The following WRNIP1 variants were observed in gnomAD, a reference collection of about 807,000 sequenced individuals.
WRNIP1 encodes WRN helicase interacting protein 1.
Under a neutral mutation model 56.1 loss-of-function variants are expected in WRNIP1, and 41 were observed. The ratio of observed to expected loss-of-function variants is 0.73; its 90% CI spans 0.57 to 0.95. The LOEUF is 0.95. Among genes scored for constraint, WRNIP1 ranks in the 40% least tolerant of loss-of-function variants. WRNIP1 has a pLI of 0.00. For missense variants in WRNIP1, 1,170 were observed against 939.4 expected (o/e 1.25, Z -3.21); for synonymous variants, 547 against 398.1 (o/e 1.37, Z -4.45).
chr6:2,784,085 T>C (rs1353002115), intron 5 of WRNIP1, among the ~76,000 whole-genome samples: 2 of 152,224 alleles, frequency 1.3e-5, no homozygotes, highest in African/African-American at 4.8e-5. Flanking sequence ...CATGTTTTTC[T>C]AGATGCAGAG....
intron 2 of WRNIP1, among the ~76,000 whole-genome samples, chr6:2,769,300 T>A (rs189241784): frequency 6.6e-6 from 1 of 152,294 alleles, no homozygotes; most frequent in Non-Finnish European, 1.5e-5. Context: ...AACTCCAGGC[T>A]CTGTCTTCAA....
rs777146637 is a variant in WRNIP1 at position 2,766,372 on chromosome 6, C to T, written c.750C>T (p.Thr250=). ...FGQSKAVGQD[T]LLRSLLETNE... ...AGAGCAAGGCCGTGGGCCAGGATAC[C>T]CTGCTGCGCTCGCTCCTGGAGACCA... The change falls in exon 1 of 7, where the codon ACC becomes ACT. Residue 250 remains threonine (T), a synonymous_variant. Transcript: ENST00000380773. 4.5e-5 allele frequency: 73 copies of T among 1,609,230 alleles called. No homozygotes were observed. The highest frequency in any genetic ancestry group is 3.1e-4 in the East Asian group (14 of 44,700).
chr6:2,766,192 C>G lies in WRNIP1; in HGVS notation c.570C>G (p.Asp190Glu). 1 of 1,397,952 alleles carries G rather than the reference C, an allele frequency of 7.2e-7. No homozygotes were observed. Among genetic ancestry groups the G allele is most frequent in the African/African-American group, 1.5e-5 (1 of 66,532 alleles). The allele number at this position is 1,397,952 out of a possible 1,614,324, so 86.6% of individuals were successfully genotyped here. A position where few individuals can be genotyped will look rare whatever the true frequency, so the allele number is the denominator to read the frequency against. The change falls in exon 1 of 7, where the codon GAC becomes GAG. Residue 190 changes from aspartate (D) to glutamate (E), a missense_variant. Coordinates refer to ENST00000380773, the MANE Select transcript of WRNIP1 (RefSeq NM_020135.3). Reference sequence around the variant, plus strand: ...GCGAGGACGACCCGGGGCACTGGGACGCGGACGCTGCCGAAGCCGCCACCG... The same window carrying G: ...GCGAGGACGACCCGGGGCACTGGGAGGCGGACGCTGCCGAAGCCGCCACCG... Reference protein sequence around the residue: ...ADGEDDPGHWDADAAEAATAF... With the variant: ...ADGEDDPGHWEADAAEAATAF...
chr6:2,766,840 C>T (rs978780747), intron 1 of WRNIP1, among the ~76,000 whole-genome samples: 4 of 151,426 alleles, frequency 2.6e-5, no homozygotes, highest in Non-Finnish European at 4.4e-5. Context: ...TTGTATATTC[C>T]GTTTGTACAT....
At position 2,785,018 on chromosome 6, in the gene WRNIP1, C is replaced by A. The variant is rs1765675992; in HGVS notation, c.1734C>A (p.Ala578=). ...IGMPECEVLL[A]QCVVYFARAP... is the part of the protein sequence containing the mutation. ...TGTGTCATTGGTAGGTGCTTCTGGC[C>A]CAGTGTGTGGTCTACTTTGCCAGAG... The change falls in exon 7 of 7, where the codon GCC becomes GCA. Residue 578 remains alanine, a synonymous_variant. Transcript: ENST00000380773. The A allele has an allele frequency of 6.2e-7, 1 of 1,613,910 alleles. No homozygotes were observed. The highest frequency in any genetic ancestry group is 2.2e-5 in the East Asian group (1 of 44,888).
chr6:2,782,500 C>T (rs564475405), intron 4 of WRNIP1, among the ~76,000 whole-genome samples: 28 of 152,336 alleles, frequency 1.8e-4, no homozygotes, highest in South Asian at 1.2e-3. Flanking sequence ...TGGCGCCAGT[C>T]GTATTGTGGA....
chr6:2,774,155 AT>A (rs1230196358), intron 3 of WRNIP1: 1 of 985,088 alleles, frequency 1.0e-6, no homozygotes, highest in African/African-American at 1.7e-5. Context: ...TTATTTAAAA[AT>A]TTTTTAAGTA....
intron 6 of WRNIP1, 109 bp from the exon 7 acceptor site, chr6:2,784,897 AG>A: frequency 7.3e-7 from 1 of 1,372,160 alleles, no homozygotes; most frequent in South Asian, 1.4e-5. Flanking sequence ...GGATAATAAA[AG>A]CATGTGGGGA....
intron 4 of WRNIP1, among the ~76,000 whole-genome samples, chr6:2,782,696 A>AT (rs1232890806): frequency 6.6e-6 from 1 of 152,168 alleles, no homozygotes; most frequent in Non-Finnish European, 1.5e-5. Flanking sequence ...TTTAGCTGTC[A>AT]TTTTTTTGCC....
rs759945588 is a variant in WRNIP1, at chr6:2,768,892, C to A, written c.1014+10C>A. 1.3e-6 allele frequency: 2 copies of A among 1,599,310 alleles called. No homozygotes were observed. The highest frequency in any genetic ancestry group is 2.1e-4 in the Middle Eastern group (1 of 4,674). ...CAATAAATCTCAGCAGGTATATTAA[C>A]TTCCTTCTACCTTTTGGTCGTTGTG... On this transcript the variant is annotated intron_variant, in intron 2 of 6. Transcript: ENST00000380773.
chr6:2,773,245 T>G (rs1765351828), intron 3 of WRNIP1: 1 of 985,362 alleles, frequency 1.0e-6, no homozygotes, highest in Middle Eastern at 5.2e-4. Flanking sequence ...CTGCATATGC[T>G]AGGCATTGGC....
rs755353163 is a variant in WRNIP1, at chr6:2,765,748, C to T, written c.126C>T (p.Leu42=). 3.5e-5 allele frequency: 52 copies of T among 1,505,840 alleles called. No individual in the cohort carries two copies. Among genetic ancestry groups the T allele is most frequent in the Non-Finnish European group, 4.1e-5 (47 of 1,134,028 alleles). 93.3% of individuals were successfully genotyped at this position (1,505,840 alleles called of 1,614,324 possible). A position where few individuals can be genotyped will look rare whatever the true frequency, so the allele number is the denominator to read the frequency against. The part of the protein sequence containing the change: ...INSHLDRCLL[L]HPAGHAEPAA... ...CGCACCTGGACCGCTGTCTGCTGCTCCACCCGGCGGGGCACGCGGAGCCCG... is the reference window on the plus strand; with the variant it reads ...CGCACCTGGACCGCTGTCTGCTGCTTCACCCGGCGGGGCACGCGGAGCCCG... Residue 42 remains leucine (L), a synonymous_variant, in exon 1 of 7, where the codon CTC becomes CTT. Transcript: ENST00000380773.
intron 3 of WRNIP1, among the ~76,000 whole-genome samples, chr6:2,771,672 T>A (rs2113463369): frequency 6.6e-6 from 1 of 152,350 alleles, no homozygotes; most frequent in South Asian, 2.1e-4. Flanking sequence ...TGGGTGCTCA[T>A]CTGGTAAGTA....
rs1417979885 is a variant in WRNIP1 at position 2,772,902 on chromosome 6, G to GA, written c.1256+2542dup. 6 of 899,928 alleles carry GA rather than the reference G, an allele frequency of 6.7e-6. No individual in the cohort carries two copies. The Admixed American group carries it at 3.7e-4, about 56-fold the overall frequency. The allele number at this position is 899,928 out of a possible 1,614,324, so 55.7% of individuals were successfully genotyped here. A position where few individuals can be genotyped will look rare whatever the true frequency, so the allele number is the denominator to read the frequency against. On this transcript the variant is annotated intron_variant, in intron 3 of 6. Coordinates refer to ENST00000380773, the MANE Select transcript of WRNIP1 (RefSeq NM_020135.3). ...TGACACTAATCTAGTTGAAAGAAAA[G>GA]ACTTCCAACCCCATATACTTACTTT...
chr6:2,783,290 G>T, intron 4 of WRNIP1, 116 bp from the exon 5 acceptor site: 3 of 1,192,932 alleles, frequency 2.5e-6, no homozygotes, highest in Non-Finnish European at 3.4e-6. Flanking sequence ...ACCTCTCCTC[G>T]GCTTTCTCAG....
intron 5 of WRNIP1, among the ~76,000 whole-genome samples, chr6:2,783,963 G>T (rs1455081027): frequency 6.6e-6 from 1 of 152,170 alleles, no homozygotes; most frequent in African/African-American, 2.4e-5. Flanking sequence ...TGAAGAAAAA[G>T]ATCAGGAAAG....
Position 2,785,292 on chromosome 6 carries a change from G to A in WRNIP1, c.*10G>A. 6.2e-7 allele frequency: 1 copy of A among 1,609,810 alleles called. No individual in the cohort carries two copies. The highest frequency in any genetic ancestry group is 1.1e-5 in the South Asian group (1 of 90,994). On this transcript the variant is annotated 3_prime_UTR_variant, in exon 7 of 7. Coordinates refer to ENST00000380773, the MANE Select transcript of WRNIP1 (RefSeq NM_020135.3). Reference sequence around the variant, plus strand: ...GCAGAGGAGGTGCTGACTCCTCAGGGCACGACAGCAGAAGGATGTTGCTTT... The same window carrying A: ...GCAGAGGAGGTGCTGACTCCTCAGGACACGACAGCAGAAGGATGTTGCTTT...
Position 2,766,946 on chromosome 6 carries a change from T to G in WRNIP1, c.822+502T>G, listed in dbSNP as rs181318612. Among the ~76,000 whole-genome samples, 3 of 152,384 alleles carry G rather than the reference T, an allele frequency of 2.0e-5. No homozygotes were observed. The East Asian group carries it at 5.8e-4, about 29-fold the overall frequency. On this transcript the variant is annotated intron_variant, in intron 1 of 6. Coordinates refer to ENST00000380773, the MANE Select transcript of WRNIP1 (RefSeq NM_020135.3). ...GGTTTAACAGACTGGTATTTATTCT[T>G]AAGAATAAGTTTATTTAACATTCTT...
intron 2 of WRNIP1, 150 bp downstream of exon 2, chr6:2,769,032 A>C: frequency 2.8e-6 from 2 of 716,130 alleles, no homozygotes; most frequent in South Asian, 2.8e-5. Flanking sequence ...CTATTTCTCC[A>C]TACATTTCTT....
Sources: gnomAD v4.1 joint callset for allele counts (sites outside exome capture counted in the v4.1 genomes callset) on GRCh38, gnomAD v4.1.1 for gene constraint, MANE v1.5 for transcripts, NCBI Gene and HGNC (gene_info 2026-07-23, HGNC 2026-07-21) for gene names.